TAFA1: variants seen among roughly 807,000 people sequenced by gnomAD.
TAFA1 encodes the protein TAFA chemokine like family member 1.
TAFA1 carries 4 observed loss-of-function variants against 18.5 expected under a neutral mutation model. That is an observed-to-expected ratio of 0.22 (90% CI 0.11 to 0.49). TAFA1 has a LOEUF of 0.49. Among genes scored for constraint, TAFA1 ranks in the 20% least tolerant of loss-of-function variants. The probability of loss-of-function intolerance (pLI) is 0.98; values close to 1 mark genes in which losing one functional copy is unlikely to be tolerated. For synonymous variants in TAFA1, 56 were observed against 55.2 expected, an observed-to-expected ratio of 1.01 and a Z score of -0.06; for missense variants, 147 against 169.0, an observed-to-expected ratio of 0.87 and a Z score of 0.72.
chr3:68,469,427 C>A (rs1269441232), intron 3 of TAFA1, among the ~76,000 whole-genome samples: 1 of 152,150 alleles, frequency 6.6e-6, no homozygotes, highest in African/African-American at 2.4e-5. Context: ...GTAATTCCAG[C>A]ACTTTGGGAG....
intron 3 of TAFA1, among the ~76,000 whole-genome samples, chr3:68,525,495 A>G (rs2073098323): frequency 6.6e-6 from 1 of 152,184 alleles, no homozygotes. Context: ...AATAGTCCAG[A>G]CAATTCCACA....
chr3:68,240,137 G>A (rs1173661091), intron 2 of TAFA1, among the ~76,000 whole-genome samples: 3 of 152,132 alleles, frequency 2.0e-5, no homozygotes, highest in Admixed American at 2.0e-4. Context: ...TAGAAATGAT[G>A]AAGAGAATGG....
intron 2 of TAFA1, among the ~76,000 whole-genome samples, chr3:68,264,524 A>G (rs574951953): frequency 2.6e-5 from 4 of 152,318 alleles, no homozygotes; most frequent in African/African-American, 9.6e-5. Context: ...AATTTCAATG[A>G]CAGAGGATGG....
chr3:68,072,872 T>C (rs2064774259), intron 2 of TAFA1, among the ~76,000 whole-genome samples: 1 of 152,196 alleles, frequency 6.6e-6, no homozygotes, highest in East Asian at 1.9e-4. Flanking sequence ...AAGCTCTGGG[T>C]AAACTGAAAA....
intron 2 of TAFA1, among the ~76,000 whole-genome samples, chr3:68,142,900 C>T (rs1040596078): frequency 9.0e-6 from 1 of 110,968 alleles, no homozygotes; most frequent in African/African-American, 3.3e-5. Context: ...TTGTGACTCA[C>T]GTGGGAAATC....
intron 3 of TAFA1, among the ~76,000 whole-genome samples, chr3:68,443,483 A>C (rs1421228867): frequency 7.9e-5 from 12 of 151,754 alleles, no homozygotes; most frequent in South Asian, 2.1e-4. Context: ...CAAAAAAAAA[A>C]AAAAAAAAAA....
At position 68,072,972 on chromosome 3, in the gene TAFA1, C is replaced by T. The variant is rs368043266; in HGVS notation, c.118+66228C>T. ...TAGTTTGTTAGAATACAAAGAACTC[C>T]AATGAAATTTACCTAAAAAGGAAGA... On this transcript the variant is annotated intron_variant, in intron 2 of 4. Coordinates refer to ENST00000478136, the MANE Select transcript of TAFA1 (RefSeq NM_213609.4). 3.3e-5 allele frequency among the ~76,000 whole-genome samples: 5 copies of T among 152,132 alleles called. No individual in the cohort carries two copies. In the East Asian group the frequency reaches 5.8e-4, roughly 18 times the overall value.
At chr3:68,448,234 G>A (rs1267898238) in intron 3 of TAFA1, among the ~76,000 whole-genome samples, 1 of 152,146 alleles carries the variant, frequency 6.6e-6, no homozygotes, top group Non-Finnish European at 1.5e-5. Context: ...AACTTCTGAG[G>A]ATAATGTTTT....
Position 68,145,736 on chromosome 3 carries a change from C to T in TAFA1, c.118+138992C>T, listed in dbSNP as rs563984610. On this transcript the variant is annotated intron_variant, in intron 2 of 4. Transcript: ENST00000478136. ...AATTTATTGGATGGCTTAAGCACCT[C>T]AGCATTCCTTACTATGTGATAAAAT... The T allele has an allele frequency of 1.7e-5, 11 of 652,450 alleles. No homozygotes were observed. The African/African-American group carries it at 2.0e-4, about 12-fold the overall frequency. 40.4% of individuals were successfully genotyped at this position (652,450 alleles called of 1,614,324 possible).
chr3:68,529,819 G>T (rs373692759), intron 3 of TAFA1, among the ~76,000 whole-genome samples: 3 of 152,310 alleles, frequency 2.0e-5, no homozygotes, highest in East Asian at 3.9e-4. Flanking sequence ...GTTCATGAGA[G>T]ATCCACCCGA....
At position 68,531,532 on chromosome 3, in the gene TAFA1, A is replaced by T. The variant is rs549684581; in HGVS notation, c.260-7224A>T. On this transcript the variant is annotated intron_variant, in intron 3 of 4. Transcript: ENST00000478136. ...TCCACATGTGTAGTGACCCGCCAGC[A>T]CTTGGGAAGTTGTGCTCATGCTCAT... is the stretch of plus-strand genomic sequence containing the variant. 2.0e-5 allele frequency among the ~76,000 whole-genome samples: 3 copies of T among 152,086 alleles called. 1 individual carries two copies. The South Asian group carries it at 6.2e-4, about 32-fold the overall frequency.
chr3:68,489,006 T>C (rs1256215984), intron 3 of TAFA1, among the ~76,000 whole-genome samples: 1 of 152,230 alleles, frequency 6.6e-6, no homozygotes, highest in East Asian at 1.9e-4. Flanking sequence ...CAGAATCTCA[T>C]TTAATCCTGA....
At chr3:68,292,263 A>G (rs1419389214) in intron 2 of TAFA1, among the ~76,000 whole-genome samples, 1 of 152,016 alleles carries the variant, frequency 6.6e-6, no homozygotes, top group African/African-American at 2.4e-5. Context: ...CTCTTTTCCC[A>G]GACCATCTTC....
At chr3:68,313,601 A>C (rs564354647) in intron 2 of TAFA1, among the ~76,000 whole-genome samples, 18 of 152,374 alleles carry the variant, frequency 1.2e-4, no homozygotes, top group African/African-American at 4.3e-4. Context: ...GAAAAAAGTC[A>C]AAATAATGAA....
chr3:68,170,972 T>C (rs1347712326), intron 2 of TAFA1, among the ~76,000 whole-genome samples: 1 of 151,902 alleles, frequency 6.6e-6, no homozygotes, highest in Non-Finnish European at 1.5e-5. Flanking sequence ...CAAGAACGAA[T>C]AGCAACAATA....
chr3:68,349,949 C>A (rs2069236044), intron 2 of TAFA1, among the ~76,000 whole-genome samples: 1 of 152,090 alleles, frequency 6.6e-6, no homozygotes, highest in South Asian at 2.1e-4. Context: ...TTGCCACAGT[C>A]CCCACTACTC....
At chr3:68,378,915 C>T (rs1228210979) in intron 2 of TAFA1, among the ~76,000 whole-genome samples, 1 of 152,130 alleles carries the variant, frequency 6.6e-6, no homozygotes, top group African/African-American at 2.4e-5. Flanking sequence ...TCTAAGTTTC[C>T]TAAGACCTCC....
chr3:68,178,102 C>A (rs1282172669), intron 2 of TAFA1, among the ~76,000 whole-genome samples: 1 of 152,116 alleles, frequency 6.6e-6, no homozygotes, highest in Non-Finnish European at 1.5e-5. Flanking sequence ...CAAGATGGCA[C>A]CACTGCACTC....
At chr3:68,537,019 G>T (rs1575961173) in intron 3 of TAFA1, among the ~76,000 whole-genome samples, 1 of 152,090 alleles carries the variant, frequency 6.6e-6, no homozygotes, top group South Asian at 2.1e-4. Flanking sequence ...ATTCTTCAAG[G>T]CCCTAGGCTA....
Sources: gnomAD v4.1 joint callset for allele counts (sites outside exome capture counted in the v4.1 genomes callset) on GRCh38, gnomAD v4.1.1 for gene constraint, MANE v1.5 for transcripts, NCBI Gene and HGNC (gene_info 2026-07-23, HGNC 2026-07-21) for gene names.